CNTNAP5: variants seen among roughly 807,000 people sequenced by gnomAD.
CNTNAP5 encodes the protein contactin associated protein family member 5.
Under a neutral mutation model 150.2 loss-of-function variants are expected in CNTNAP5, and 72 were observed. The ratio of observed to expected loss-of-function variants is 0.48; its 90% confidence interval spans 0.40 to 0.58. The LOEUF (loss-of-function observed/expected upper bound fraction) is 0.58. Among genes scored for constraint, CNTNAP5 ranks in the 20% least tolerant of loss-of-function variants. The pLI is 0.00. For missense variants in CNTNAP5, 1,636 were observed against 1,626.2 expected (o/e 1.01, Z -0.10); for synonymous variants, 672 against 619.8 (o/e 1.08, Z -1.25).
At chr2:124,881,487 G>A (rs1402494788) in intron 21 of CNTNAP5, among the ~76,000 whole-genome samples, 1 of 152,020 alleles carries the variant, frequency 6.6e-6, no homozygotes, top group African/African-American at 2.4e-5. Context: ...ACTGACTTGG[G>A]GCATAAGTTA....
chr2:124,310,238 A>G (rs1653999833), intron 3 of CNTNAP5, among the ~76,000 whole-genome samples: 2 of 152,066 alleles, frequency 1.3e-5, no homozygotes, highest in African/African-American at 4.8e-5. Context: ...ATGCTGGCAT[A>G]TTGGGGCAAT....
At chr2:124,537,014 A>G (rs1348677577) in intron 10 of CNTNAP5, among the ~76,000 whole-genome samples, 1 of 151,820 alleles carries the variant, frequency 6.6e-6, no homozygotes, top group African/African-American at 2.4e-5. Flanking sequence ...GCAGTGTGAC[A>G]ATGTGTGGTG....
At chr2:124,534,127 AC>A (rs1029478614) in intron 10 of CNTNAP5, among the ~76,000 whole-genome samples, 4 of 152,120 alleles carry the variant, frequency 2.6e-5, no homozygotes, top group African/African-American at 9.7e-5. Flanking sequence ...GGACATACAG[AC>A]TTAGAGAGTG....
intron 1 of CNTNAP5, among the ~76,000 whole-genome samples, chr2:124,062,029 C>T (rs1024759269): frequency 4.6e-5 from 7 of 150,936 alleles, no homozygotes; most frequent in Admixed American, 1.3e-4. Flanking sequence ...CTTACTTGGG[C>T]TGTTTCCACA....
intron 21 of CNTNAP5, among the ~76,000 whole-genome samples, chr2:124,900,232 T>A (rs17394205): frequency 0.1 from 15,300 of 151,638 alleles, 1,103 homozygotes; most frequent in Non-Finnish European, 0.14. Context: ...GAGTGGTGAA[T>A]GTTGAGTATT....
At chr2:124,258,155 G>C (rs1488266272) in intron 3 of CNTNAP5, among the ~76,000 whole-genome samples, 1 of 152,102 alleles carries the variant, frequency 6.6e-6, no homozygotes, top group Non-Finnish European at 1.5e-5. Context: ...CTGCTGGGTG[G>C]CTACAGTTCT....
intron 3 of CNTNAP5, among the ~76,000 whole-genome samples, chr2:124,409,000 A>G (rs1178670828): frequency 7.0e-6 from 1 of 142,556 alleles, no homozygotes; most frequent in Non-Finnish European, 1.5e-5. Context: ...AAAATTTAGA[A>G]GAATGTATAA....
chr2:124,301,122 C>T (rs150629157), intron 3 of CNTNAP5, among the ~76,000 whole-genome samples: 81 of 152,276 alleles, frequency 5.3e-4, no homozygotes, highest in Admixed American at 1.0e-3. Context: ...ACGTGCTTTA[C>T]AAAGATGTTG....
intron 8 of CNTNAP5, among the ~76,000 whole-genome samples, chr2:124,508,269 C>T (rs958811323): frequency 6.6e-6 from 1 of 152,116 alleles, no homozygotes; most frequent in Non-Finnish European, 1.5e-5. Context: ...TGCAGTCAGA[C>T]GATTTTTATA....
chr2:124,415,309 T>C (rs567104742), intron 3 of CNTNAP5, among the ~76,000 whole-genome samples: 108 of 152,338 alleles, frequency 7.1e-4, no homozygotes, highest in Middle Eastern at 3.4e-3. Flanking sequence ...CAGAAGGGGC[T>C]GCAAAATAGA....
chr2:124,349,558 A>T (rs1573932893), intron 3 of CNTNAP5, among the ~76,000 whole-genome samples: 1 of 152,148 alleles, frequency 6.6e-6, no homozygotes, highest in African/African-American at 2.4e-5. Context: ...AGTCCCGTAT[A>T]TAGTAAAAGC....
At chr2:124,900,936 A>C (rs1414518159) in intron 21 of CNTNAP5, among the ~76,000 whole-genome samples, 2 of 151,576 alleles carry the variant, frequency 1.3e-5, no homozygotes, top group African/African-American at 4.9e-5. Flanking sequence ...CCAGCAAAAA[A>C]CATCTAGTCC....
intron 8 of CNTNAP5, among the ~76,000 whole-genome samples, chr2:124,519,032 C>A: frequency 7.0e-6 from 1 of 142,660 alleles, no homozygotes; most frequent in Non-Finnish European, 1.5e-5. Context: ...CTGATTCATG[C>A]TACGTGGATG....
chr2:124,363,627 G>A (rs529233274), intron 3 of CNTNAP5, among the ~76,000 whole-genome samples: 35 of 152,240 alleles, frequency 2.3e-4, no homozygotes, highest in African/African-American at 7.9e-4. Flanking sequence ...CTGTTGTACA[G>A]CATAGTTCCT....
chr2:124,496,543 C>A (rs1310009223), intron 7 of CNTNAP5, among the ~76,000 whole-genome samples: 1 of 152,166 alleles, frequency 6.6e-6, no homozygotes, highest in African/African-American at 2.4e-5. Flanking sequence ...ACAAAACAAA[C>A]ACCCACAATG....
At chr2:124,235,077 A>C (rs944714081) in intron 2 of CNTNAP5, among the ~76,000 whole-genome samples, 5 of 152,164 alleles carry the variant, frequency 3.3e-5, no homozygotes, top group Admixed American at 2.0e-4. Flanking sequence ...AGCTAGCAAG[A>C]GTATAGTCTC....
At position 124,918,758 on chromosome 2, in the gene CNTNAP5, G is replaced by T. The variant is rs1395708854; in HGVS notation, c.*4470G>T. Among the ~76,000 whole-genome samples the T allele has an allele frequency of 2.0e-5, 3 of 152,006 alleles. No homozygotes were observed. Among genetic ancestry groups the T allele is most frequent in the Non-Finnish European group, 4.4e-5 (3 of 67,996 alleles). ...TAATGAAAAGGCTTGGACATACTTA[G>T]TCCTCAATTATCCTACAGGTCATGT... On this transcript the variant is annotated 3_prime_UTR_variant, in exon 24 of 24. Transcript: ENST00000682447.
intron 19 of CNTNAP5, among the ~76,000 whole-genome samples, chr2:124,839,121 T>C (rs149576683): frequency 9.2e-5 from 14 of 151,726 alleles, no homozygotes; most frequent in African/African-American, 3.4e-4. Flanking sequence ...CCTCTGAGAG[T>C]GGGCTGGGTT....
At chr2:124,448,610 G>C (rs1293951809) in intron 6 of CNTNAP5, among the ~76,000 whole-genome samples, 1 of 152,172 alleles carries the variant, frequency 6.6e-6, no homozygotes, top group Non-Finnish European at 1.5e-5. Context: ...GTCTAGACCA[G>C]GGGTCAGAAA....
Sources: allele counts gnomAD v4.1 joint callset (sites outside exome capture counted in the v4.1 genomes callset), GRCh38; gene constraint gnomAD v4.1.1; transcripts MANE v1.5; gene names NCBI Gene and HGNC (gene_info 2026-07-23, HGNC 2026-07-21).